Variants in ADAMTS17 observed in about 807,000 individuals in gnomAD.
The protein encoded by ADAMTS17 is A disintegrin and metalloproteinase with thrombospondin motifs 17.
ADAMTS17 carries 113 observed loss-of-function variants against 141.5 expected under a neutral mutation model. The observed-to-expected ratio is 0.80, with a 90% confidence interval of 0.69 to 0.93. ADAMTS17 has a LOEUF of 0.93. ADAMTS17 is among the 40% of genes least tolerant of loss of function. The pLI is 0.00. For missense variants in ADAMTS17, 1,659 were observed against 1,517.9 expected (o/e 1.09, Z -1.54); for synonymous variants, 768 against 630.6 (o/e 1.22, Z -3.27).
At chr15:100,301,097 C>T (rs569169037) in intron 3 of ADAMTS17, among the ~76,000 whole-genome samples, 37 of 152,266 alleles carry the variant, frequency 2.4e-4, no homozygotes, top group Admixed American at 1.6e-3. Context: ...GAATACTAGA[C>T]TTTTGGAGCA....
chr15:100,230,083 C>G (rs537893017), intron 7 of ADAMTS17, among the ~76,000 whole-genome samples: 213 of 152,374 alleles, frequency 1.4e-3, no homozygotes, highest in African/African-American at 5.0e-3. Flanking sequence ...GCTGCACGAG[C>G]ATAACCAACA....
chr15:100,097,325 G>A (rs2035823915), intron 14 of ADAMTS17, among the ~76,000 whole-genome samples: 1 of 152,058 alleles, frequency 6.6e-6, no homozygotes, highest in Admixed American at 6.6e-5. Flanking sequence ...TTTTCCTACT[G>A]CCCTGCACCC....
intron 8 of ADAMTS17, among the ~76,000 whole-genome samples, chr15:100,180,184 G>T (rs1325016144): frequency 6.6e-6 from 1 of 152,102 alleles, no homozygotes; most frequent in Non-Finnish European, 1.5e-5. Flanking sequence ...AATCTATTTT[G>T]GTTTTTGTAC....
At chr15:100,217,748 A>G (rs182542641) in intron 7 of ADAMTS17, among the ~76,000 whole-genome samples, 81 of 152,338 alleles carry the variant, frequency 5.3e-4, no homozygotes, top group African/African-American at 1.9e-3. Context: ...AGAAAGTGAA[A>G]AGGTTCCCAC....
chr15:100,093,067 C>T (rs1425745412), intron 15 of ADAMTS17, among the ~76,000 whole-genome samples: 3 of 152,196 alleles, frequency 2.0e-5, no homozygotes, highest in African/African-American at 7.2e-5. Flanking sequence ...ATATGATAGC[C>T]AAGTTGAGTT....
chr15:100,164,562 G>A (rs2039871186), intron 8 of ADAMTS17, among the ~76,000 whole-genome samples: 1 of 152,172 alleles, frequency 6.6e-6, no homozygotes, highest in Admixed American at 6.5e-5. Flanking sequence ...GGAGAAGAAT[G>A]GCCTTGCTTC....
chr15:100,145,785 T>C (rs2038874033), intron 10 of ADAMTS17, among the ~76,000 whole-genome samples: 2 of 152,250 alleles, frequency 1.3e-5, no homozygotes. Flanking sequence ...TTCTTTTCTT[T>C]CTTGGCATAT....
At chr15:100,211,203 G>A (rs1010795749) in intron 7 of ADAMTS17, among the ~76,000 whole-genome samples, 1 of 149,778 alleles carries the variant, frequency 6.7e-6, no homozygotes, top group African/African-American at 2.5e-5. Context: ...TTGGGAAGCT[G>A]AAGAAACGGT....
chr15:100,314,020 C>T (rs112540380), intron 3 of ADAMTS17, among the ~76,000 whole-genome samples: 4 of 138,432 alleles, frequency 2.9e-5, no homozygotes, highest in African/African-American at 1.1e-4. Flanking sequence ...TCAGACAAAA[C>T]CACCCCAAAC....
intron 7 of ADAMTS17, among the ~76,000 whole-genome samples, chr15:100,240,375 G>A (rs2042793591): frequency 6.6e-6 from 1 of 152,238 alleles, no homozygotes; most frequent in Non-Finnish European, 1.5e-5. Context: ...AAAGGCTGGA[G>A]GGTAGCAACA....
At chr15:100,170,553 C>G (rs577415109) in intron 8 of ADAMTS17, among the ~76,000 whole-genome samples, 4 of 152,200 alleles carry the variant, frequency 2.6e-5, no homozygotes, top group African/African-American at 9.7e-5. Context: ...AGTCCCTTCG[C>G]GGATTTCAAG....
chr15:100,110,980 A>T lies in ADAMTS17; in HGVS notation c.1889-1864T>A, dbSNP rs1339087174. ...TGCTTCTCACCAGGCTCCACAGGAA[A>T]TCTTGTCTTACAGCGCTGGAAAGAA... On this transcript the variant is annotated intron_variant, in intron 13 of 21. Transcript: ENST00000268070. Among the ~76,000 whole-genome samples, 6 of 152,170 alleles carry T rather than the reference A, an allele frequency of 3.9e-5. 1 individual carries two copies. In the East Asian group the frequency reaches 1.2e-3, roughly 29 times the overall value.
rs557861123 is a variant in ADAMTS17 at position 100,233,411 on chromosome 15, C to G, written c.1075+20725G>C. ...TTTTTAAGATGGTCAACAGGAGTCA[C>G]AAACGGAACTGGAAATTCCCTAGCA... On this transcript the variant is annotated intron_variant, in intron 7 of 21. Transcript: ENST00000268070. Among the ~76,000 whole-genome samples the G allele has an allele frequency of 4.9e-4, 74 of 152,186 alleles. 4 individuals are homozygous for G. In the South Asian group the frequency reaches 0.015, roughly 31 times the overall value.
intron 8 of ADAMTS17, among the ~76,000 whole-genome samples, chr15:100,170,353 T>C (rs1212414432): frequency 2.6e-5 from 4 of 152,218 alleles, no homozygotes; most frequent in Non-Finnish European, 1.5e-5. Context: ...TCTGAACCTA[T>C]GTGGAAACTG....
intron 3 of ADAMTS17, among the ~76,000 whole-genome samples, chr15:100,304,815 C>A (rs1317824009): frequency 6.6e-6 from 1 of 152,168 alleles, no homozygotes; most frequent in East Asian, 1.9e-4. Flanking sequence ...TGGATTTTCA[C>A]CTCTGCCACC....
chr15:100,162,354 T>C (rs978616177), intron 8 of ADAMTS17, among the ~76,000 whole-genome samples: 1 of 148,474 alleles, frequency 6.7e-6, no homozygotes. Flanking sequence ...TATACCTATA[T>C]ATAACTATAT....
intron 8 of ADAMTS17, among the ~76,000 whole-genome samples, chr15:100,170,481 C>A (rs538293786): frequency 9.8e-5 from 15 of 152,294 alleles, no homozygotes; most frequent in African/African-American, 3.6e-4. Flanking sequence ...CTCAAAGTTT[C>A]TACCTTTGCA....
In ADAMTS17 at chr15:99,974,574, G is replaced by A. The variant is rs182634994; in HGVS notation, c.3128-12C>T. On this transcript the variant is annotated splice_polypyrimidine_tract_variant and intron_variant, in intron 21 of 21. Coordinates refer to ENST00000268070, the MANE Select transcript of ADAMTS17 (RefSeq NM_139057.4). The stretch of plus-strand genomic sequence containing the variant: ...GTAGGTCAGAGCAGCTAAGGGGATA[G>A]GAGAGAGAATACCCAGGGTCAGGGA... 5,297 of 1,614,138 alleles carry A rather than the reference G, an allele frequency of 3.3e-3. 9 individuals carry two copies. Among genetic ancestry groups the A allele is most frequent in the Non-Finnish European group, 4.0e-3 (4,714 of 1,179,946 alleles).
chr15:99,976,720 T>G, intron 20 of ADAMTS17: 1 of 209,878 alleles, frequency 4.8e-6, no homozygotes, highest in Non-Finnish European at 9.6e-6. Context: ...CCGTGGTCTG[T>G]AAATCGGGGA....
Sources: allele counts gnomAD v4.1 joint callset (sites outside exome capture counted in the v4.1 genomes callset), GRCh38; gene constraint gnomAD v4.1.1; transcripts MANE v1.5; gene names NCBI Gene and HGNC (gene_info 2026-07-23, HGNC 2026-07-21).